The following DNAJB4 variants were observed in gnomAD, a reference collection of about 807,000 sequenced individuals.
The protein encoded by DNAJB4 is dnaJ homolog subfamily B member 4.
In DNAJB4, 10 loss-of-function variants were observed where a neutral mutation model predicts 26.6. The ratio of observed to expected loss-of-function variants is 0.38; its 90% CI spans 0.23 to 0.64. DNAJB4 has a LOEUF of 0.64. Ranked by LOEUF, DNAJB4 falls within the 30% of genes least tolerant of loss-of-function variation. The pLI, the probability that DNAJB4 is intolerant of heterozygous loss-of-function variation, is 0.58. For synonymous variants in DNAJB4, 136 were observed against 134.8 expected, an observed-to-expected ratio of 1.01 and a Z score of -0.06; for missense variants, 328 against 408.2, an observed-to-expected ratio of 0.80 and a Z score of 1.69.
In DNAJB4 at chr1:78,016,179, G is replaced by T; in HGVS notation, c.946G>T (p.Val316Leu). 1 of 1,614,068 alleles carries T rather than the reference G, an allele frequency of 6.2e-7. No individual in the cohort carries two copies. Among genetic ancestry groups the T allele is most frequent in the South Asian group, 1.1e-5 (1 of 91,080 alleles). Residue 316 changes from valine to leucine, a missense_variant, in exon 3 of 3, where the codon GTG becomes TTG. Physicochemically the swap from Val to Leu is conservative, Grantham distance 32. Coordinates refer to ENST00000370763, the MANE Select transcript of DNAJB4 (RefSeq NM_007034.5). The part of the protein sequence containing the change: ...QRGDLLIEFE[V>L]SFPDTISSSS... ...TGGTGACCTTCTAATAGAATTTGAG[G>T]TGTCCTTCCCAGATACTATATCTTC...
chr1:77,997,253 G>C (rs2102598184), intron 1 of DNAJB4, among the ~76,000 whole-genome samples: 1 of 150,314 alleles, frequency 6.7e-6, no homozygotes, highest in African/African-American at 2.5e-5. Context: ...TGAGACGGGA[G>C]GATTGCTTGA....
intron 1 of DNAJB4, among the ~76,000 whole-genome samples, chr1:77,990,680 T>G (rs543345380): frequency 3.3e-5 from 5 of 152,326 alleles, no homozygotes; most frequent in Middle Eastern, 3.4e-3. Flanking sequence ...TATACTTTCA[T>G]TAGTAGCACA....
At chr1:77,986,436 C>G (rs1327487364) in intron 1 of DNAJB4, among the ~76,000 whole-genome samples, 1 of 152,198 alleles carries the variant, frequency 6.6e-6, no homozygotes, top group Admixed American at 6.5e-5. Flanking sequence ...TCCTAATGTA[C>G]TTCTTCCGTT....
At chr1:77,995,962 CAAAAA>C (rs1660051589) in intron 1 of DNAJB4, among the ~76,000 whole-genome samples, 1 of 151,680 alleles carries the variant, frequency 6.6e-6, no homozygotes, top group Non-Finnish European at 1.5e-5. Context: ...CAAAACAAAA[CAAAAA>C]AAGAACTCTT....
At chr1:77,992,743 T>G (rs1659964677) in intron 1 of DNAJB4, 1 of 152,216 alleles carries the variant, frequency 6.6e-6, no homozygotes, top group South Asian at 2.1e-4. Context: ...TATTCTTTTT[T>G]TTTGAGACAG....
upstream of DNAJB4, among the ~76,000 whole-genome samples, chr1:78,001,023 C>A (rs1660179415): frequency 6.6e-6 from 1 of 150,814 alleles, no homozygotes; most frequent in South Asian, 2.1e-4. Flanking sequence ...GGTCCAAGCA[C>A]CCTGGTTTAT....
At chr1:77,995,293 C>T (rs1660034516) in intron 1 of DNAJB4, among the ~76,000 whole-genome samples, 3 of 152,094 alleles carry the variant, frequency 2.0e-5, no homozygotes. Context: ...GGAAATGTGG[C>T]TTGCATTTGT....
intron 1 of DNAJB4, among the ~76,000 whole-genome samples, chr1:77,980,546 C>CT (rs1003862170): frequency 2.2e-4 from 34 of 151,292 alleles, no homozygotes; most frequent in Middle Eastern, 3.4e-3. Flanking sequence ...ATCACAGTGA[C>CT]TTTTTTTTTC....
intron 1 of DNAJB4, 35 bp downstream of exon 1, chr1:78,005,356 GCT>G (rs760571923): frequency 1.2e-5 from 17 of 1,449,112 alleles, no homozygotes; most frequent in Non-Finnish European, 1.3e-5. Context: ...TGTCTCTTCA[GCT>G]CTGTCTCTTT....
chr1:78,012,572 G>T (rs146222288), intron 1 of DNAJB4, among the ~76,000 whole-genome samples: 7,191 of 152,164 alleles, frequency 0.047, 228 homozygotes, highest in East Asian at 0.11. Flanking sequence ...CACTTTGGGA[G>T]GCCAAGGCAG....
intron 1 of DNAJB4, among the ~76,000 whole-genome samples, chr1:78,006,555 G>T (rs912458456): frequency 6.6e-6 from 1 of 152,180 alleles, no homozygotes; most frequent in Non-Finnish European, 1.5e-5. Flanking sequence ...GACAAGCAGG[G>T]TGATTGTATA....
At chr1:78,003,023 G>A (rs908944324), upstream of DNAJB4, among the ~76,000 whole-genome samples, 4 of 151,316 alleles carry the variant, frequency 2.6e-5, no homozygotes, top group African/African-American at 4.8e-5. Context: ...AATCAAATAA[G>A]TGTCTATTTT....
At chr1:77,987,787 T>C (rs985777901) in intron 1 of DNAJB4, among the ~76,000 whole-genome samples, 2 of 152,048 alleles carry the variant, frequency 1.3e-5, no homozygotes, top group Non-Finnish European at 2.9e-5. Flanking sequence ...CACTGCTACA[T>C]CATGGTCCAA....
intron 1 of DNAJB4, among the ~76,000 whole-genome samples, chr1:77,984,460 CTTTT>C (rs1045953892): frequency 3.3e-4 from 50 of 150,066 alleles, no homozygotes; most frequent in Non-Finnish European, 6.6e-4. Flanking sequence ...TTCTTTCTTT[CTTTT>C]TTTTTCCAGA....
chr1:77,983,885 A>G (rs1319857426), intron 1 of DNAJB4, among the ~76,000 whole-genome samples: 1 of 152,164 alleles, frequency 6.6e-6, no homozygotes, highest in Non-Finnish European at 1.5e-5. Flanking sequence ...GAAATACACA[A>G]GTGTACAAGC....
chr1:77,984,595 T>C (rs1659748533), intron 1 of DNAJB4, among the ~76,000 whole-genome samples: 1 of 152,216 alleles, frequency 6.6e-6, no homozygotes, highest in Non-Finnish European at 1.5e-5. Context: ...TTGTAGTAAA[T>C]GTTATGAATA....
chr1:77,983,546 A>G (rs1053112663), intron 1 of DNAJB4, among the ~76,000 whole-genome samples: 1 of 152,114 alleles, frequency 6.6e-6, no homozygotes, highest in Admixed American at 6.5e-5. Flanking sequence ...GGCCTTCCAC[A>G]GTTTTTGTGT....
rs377567327 is a variant in DNAJB4, at chr1:77,980,475, A to G, written c.-32+153A>G. On this transcript the variant is annotated intron_variant, in intron 1 of 2. Transcript: ENST00000426517. ...GTGGCATGTAATTTACTGTGTTAAT[A>G]GTAGTAAGCTCCAGGAATCGTGAGG... is the stretch of plus-strand genomic sequence containing the variant. Among the ~76,000 whole-genome samples, 81 of 152,206 alleles carry G rather than the reference A, an allele frequency of 5.3e-4. No homozygotes were observed. In the South Asian group the frequency reaches 0.016, roughly 31 times the overall value.
intron 1 of DNAJB4, among the ~76,000 whole-genome samples, chr1:77,993,234 C>G (rs954069082): frequency 5.9e-5 from 9 of 152,212 alleles, no homozygotes; most frequent in Non-Finnish European, 2.9e-5. Flanking sequence ...TGCAGCTACT[C>G]AACTCTACCG....
Sources: gnomAD v4.1 joint callset for allele counts (sites outside exome capture counted in the v4.1 genomes callset) on GRCh38, gnomAD v4.1.1 for gene constraint, MANE v1.5 for transcripts, NCBI Gene and HGNC (gene_info 2026-07-23, HGNC 2026-07-21) for gene names.